Variants in SEPTIN10 observed in about 807,000 individuals in gnomAD.
SEPTIN10 encodes septin 10, also known as septin-10.
Under a neutral mutation model 54.8 loss-of-function variants are expected in SEPTIN10, and 66 were observed. That is an observed-to-expected ratio of 1.21 (90% CI 0.99 to 1.48). SEPTIN10 has a LOEUF of 1.48. Ranked by LOEUF, SEPTIN10 falls within the 40% of genes most tolerant of loss-of-function variation. The probability of loss-of-function intolerance (pLI) is 0.00; values close to 1 mark genes in which losing one functional copy is unlikely to be tolerated. For synonymous variants in SEPTIN10, 161 were observed against 181.0 expected (o/e 0.89, Z 0.89); for missense variants, 620 against 545.6 (o/e 1.14, Z -1.36).
intron 1 of SEPTIN10, among the ~76,000 whole-genome samples, chr2:109,609,501 G>A (rs1036318): frequency 6.6e-6 from 1 of 151,778 alleles, no homozygotes; most frequent in African/African-American, 2.4e-5. Flanking sequence ...CTGGCTGCCA[G>A]GGGCTGGGGT....
In SEPTIN10 at chr2:109,590,662, C is replaced by G. The variant is rs372389392; in HGVS notation, c.99+2389G>C. 5.9e-5 allele frequency among the ~76,000 whole-genome samples: 9 copies of G among 152,268 alleles called. No individual in the cohort carries two copies. The East Asian group carries it at 1.5e-3, about 26-fold the overall frequency. ...CAGGCTGGTCTCGAACTCTTGACCTCAGGTGATCCACTCGTCTGGGCCTCC... is the reference window on the plus strand; with the variant it reads ...CAGGCTGGTCTCGAACTCTTGACCTGAGGTGATCCACTCGTCTGGGCCTCC... On this transcript the variant is annotated intron_variant, in intron 2 of 10. Coordinates refer to ENST00000397712, the MANE Select transcript of SEPTIN10 (RefSeq NM_144710.5).
At chr2:109,576,379 G>A (rs371038782) in intron 4 of SEPTIN10, among the ~76,000 whole-genome samples, 4 of 151,952 alleles carry the variant, frequency 2.6e-5, no homozygotes, top group Non-Finnish European at 5.9e-5. Flanking sequence ...GATGACAGGC[G>A]TGAGCCACCA....
At chr2:109,558,681 T>C (rs1684940384) in intron 8 of SEPTIN10, among the ~76,000 whole-genome samples, 1 of 152,040 alleles carries the variant, frequency 6.6e-6, no homozygotes, top group African/African-American at 2.4e-5. Flanking sequence ...GCATACCCAT[T>C]CAATAAAGTG....
intron 1 of SEPTIN10, among the ~76,000 whole-genome samples, chr2:109,596,994 A>T (rs1036859723): frequency 7.2e-5 from 11 of 152,188 alleles, no homozygotes; most frequent in Admixed American, 5.9e-4. Context: ...CCCAAGCTGG[A>T]GTGCAGTGGC....
In SEPTIN10 at chr2:109,602,404, G is replaced by A. The variant is rs567248608; in HGVS notation, c.31-9285C>T. The stretch of plus-strand genomic sequence containing the variant: ...TTTAAATAAAAAGTAAGCCGGGCAC[G>A]GTGGCTCACGCCTGTAATGCCAGCA... On this transcript the variant is annotated intron_variant, in intron 1 of 10. Coordinates refer to ENST00000397712, the MANE Select transcript of SEPTIN10 (RefSeq NM_144710.5). Among the ~76,000 whole-genome samples the A allele has an allele frequency of 1.9e-4, 29 of 152,258 alleles. No homozygotes were observed. The South Asian group carries it at 5.2e-3, about 27-fold the overall frequency.
Position 109,579,972 on chromosome 2 carries a change from T to C in SEPTIN10, c.413+5154A>G, listed in dbSNP as rs996866138. On this transcript the variant is annotated intron_variant, in intron 4 of 10. Coordinates refer to ENST00000397712, the MANE Select transcript of SEPTIN10 (RefSeq NM_144710.5). ...CCTGTCTCTACTAAAAATACAAAAA[T>C]TAGCTGGGCGTGGTGGCAGGCGCCT... Among the ~76,000 whole-genome samples, 4 of 151,490 alleles carry C rather than the reference T, an allele frequency of 2.6e-5. No homozygotes were observed. In the South Asian group the frequency reaches 6.3e-4, roughly 24 times the overall value.
intron 10 of SEPTIN10, chr2:109,545,413 T>C: frequency 1.3e-6 from 2 of 1,535,956 alleles, no homozygotes; most frequent in South Asian, 1.2e-5. Flanking sequence ...GCGATTATCA[T>C]CCACATGCTA....
intron 4 of SEPTIN10, among the ~76,000 whole-genome samples, chr2:109,584,548 A>C (rs1329159607): frequency 6.6e-6 from 1 of 152,042 alleles, no homozygotes; most frequent in Non-Finnish European, 1.5e-5. Flanking sequence ...TGCTTTACCA[A>C]TCCTTTTCCC....
At chr2:109,580,768 C>G (rs941379115) in intron 4 of SEPTIN10, among the ~76,000 whole-genome samples, 3 of 152,236 alleles carry the variant, frequency 2.0e-5, no homozygotes, top group Non-Finnish European at 4.4e-5. Flanking sequence ...CAGTATAAAA[C>G]TGTGACCACT....
At chr2:109,570,039 C>T (rs1687998141) in intron 5 of SEPTIN10, among the ~76,000 whole-genome samples, 1 of 152,012 alleles carries the variant, frequency 6.6e-6, no homozygotes, top group Non-Finnish European at 1.5e-5. Flanking sequence ...AAAAAAAAAC[C>T]TGTGTATTGC....
chr2:109,545,488 G>T, intron 10 of SEPTIN10: 3 of 1,536,086 alleles, frequency 2.0e-6, no homozygotes, highest in Non-Finnish European at 2.6e-6. Context: ...GTCCACCATT[G>T]GTTTCACAAG....
At chr2:109,602,854 C>G (rs543928187) in intron 1 of SEPTIN10, among the ~76,000 whole-genome samples, 26 of 149,514 alleles carry the variant, frequency 1.7e-4, no homozygotes, top group African/African-American at 5.7e-4. Context: ...GAAATAGATA[C>G]CCATTAAAAG....
chr2:109,571,375 C>A (rs2105353306), intron 5 of SEPTIN10, among the ~76,000 whole-genome samples: 1 of 152,176 alleles, frequency 6.6e-6, no homozygotes, highest in East Asian at 1.9e-4. Flanking sequence ...CTCACACAAA[C>A]CTGGATGTTA....
chr2:109,562,712 G>A (rs1573490787), intron 8 of SEPTIN10, among the ~76,000 whole-genome samples: 1 of 152,062 alleles, frequency 6.6e-6, no homozygotes, highest in Non-Finnish European at 1.5e-5. Flanking sequence ...GTGCACAGAG[G>A]CCTCTGAAGT....
intron 2 of SEPTIN10, among the ~76,000 whole-genome samples, chr2:109,591,494 C>G (rs1316266193): frequency 6.6e-6 from 1 of 152,092 alleles, no homozygotes; most frequent in Non-Finnish European, 1.5e-5. Context: ...TTCAAAAAGT[C>G]TGTGAGGAAG....
intron 1 of SEPTIN10, among the ~76,000 whole-genome samples, chr2:109,609,503 G>C (rs1698757577): frequency 6.6e-6 from 1 of 151,892 alleles, no homozygotes; most frequent in African/African-American, 2.4e-5. Context: ...GGCTGCCAGG[G>C]GCTGGGGTTC....
At chr2:109,557,154 A>G (rs922035364) in intron 8 of SEPTIN10, among the ~76,000 whole-genome samples, 5 of 152,188 alleles carry the variant, frequency 3.3e-5, no homozygotes, top group African/African-American at 2.4e-5. Context: ...CATGTACCCT[A>G]GAACTTAAAG....
At chr2:109,591,127 A>G (rs1693970948) in intron 2 of SEPTIN10, among the ~76,000 whole-genome samples, 3 of 152,322 alleles carry the variant, frequency 2.0e-5, no homozygotes, top group Admixed American at 2.0e-4. Context: ...TTAGTCATGT[A>G]AGCATGTTAT....
chr2:109,608,514 A>G (rs1053641143), intron 1 of SEPTIN10, among the ~76,000 whole-genome samples: 1 of 152,226 alleles, frequency 6.6e-6, no homozygotes, highest in Admixed American at 6.5e-5. Flanking sequence ...TTCCTTGGTC[A>G]TATGATCTTA....
Sources: allele counts gnomAD v4.1 joint callset (sites outside exome capture counted in the v4.1 genomes callset), GRCh38; gene constraint gnomAD v4.1.1; transcripts MANE v1.5; gene names NCBI Gene and HGNC (gene_info 2026-07-23, HGNC 2026-07-21).